Variants in CNTNAP2 observed in about 807,000 individuals in gnomAD.
CNTNAP2 encodes the protein contactin-associated protein-like 2.
CNTNAP2 carries 98 observed loss-of-function variants against 155.2 expected under a neutral mutation model. The observed-to-expected ratio is 0.63, with a 90% confidence interval of 0.54 to 0.75. The LOEUF (loss-of-function observed/expected upper bound fraction) is 0.75, where lower values mean the gene tolerates loss of function less well. Among genes scored for constraint, CNTNAP2 ranks in the 30% least tolerant of loss-of-function variants. CNTNAP2 has a pLI of 0.00. For synonymous variants in CNTNAP2, 651 were observed against 631.2 expected, an observed-to-expected ratio of 1.03 and a Z score of -0.47; for missense variants, 1,727 against 1,688.1, an observed-to-expected ratio of 1.02 and a Z score of -0.40.
At chr7:146,316,800 G>A (rs1800914062) in intron 1 of CNTNAP2, among the ~76,000 whole-genome samples, 1 of 150,254 alleles carries the variant, frequency 6.7e-6, no homozygotes, top group Admixed American at 6.6e-5. Flanking sequence ...CAATCACTGT[G>A]TGGCTTCTCC....
intron 3 of CNTNAP2, among the ~76,000 whole-genome samples, chr7:146,920,181 A>G (rs1048929982): frequency 3.3e-5 from 5 of 152,146 alleles, no homozygotes; most frequent in Admixed American, 3.3e-4. Context: ...TGGGAGGCCG[A>G]GGAGAGCAGA....
At chr7:146,332,494 T>G (rs1182305352) in intron 1 of CNTNAP2, among the ~76,000 whole-genome samples, 1 of 152,156 alleles carries the variant, frequency 6.6e-6, no homozygotes, top group Non-Finnish European at 1.5e-5. Flanking sequence ...AACTGTTATT[T>G]TCATTGAATA....
chr7:147,504,690 A>T (rs201577452), intron 11 of CNTNAP2, among the ~76,000 whole-genome samples: 10,573 of 72,536 alleles, frequency 0.15, 613 homozygotes, highest in East Asian at 0.33. Flanking sequence ...TTCTGTCTTA[A>T]AAAAAAAAAA....
At chr7:148,404,559 A>G (rs6969137) in intron 22 of CNTNAP2, among the ~76,000 whole-genome samples, 84,609 of 151,996 alleles carry the variant, frequency 0.56, 24,234 homozygotes, top group African/African-American at 0.63. Context: ...AGTGGGTGCC[A>G]CCGCTGGGGT....
intron 10 of CNTNAP2, among the ~76,000 whole-genome samples, chr7:147,455,698 GCAAAAA>G (rs67990970): frequency 0.12 from 18,792 of 151,922 alleles, 1,394 homozygotes; most frequent in East Asian, 0.32. Context: ...CCAAAAGAAA[GCAAAAA>G]CAAAAACAAA....
At chr7:147,337,262 G>A (rs1795680105) in intron 9 of CNTNAP2, among the ~76,000 whole-genome samples, 1 of 152,080 alleles carries the variant, frequency 6.6e-6, no homozygotes, top group Admixed American at 6.6e-5. Context: ...AAGGGCAGAT[G>A]AAGTCTCATC....
intron 1 of CNTNAP2, among the ~76,000 whole-genome samples, chr7:146,641,856 TTTG>T (rs1412060155): frequency 2.6e-5 from 4 of 152,222 alleles, no homozygotes; most frequent in Non-Finnish European, 4.4e-5. Flanking sequence ...ATTTTGTGGG[TTTG>T]TTGTTATTAT....
chr7:148,309,955 TA>T (rs771521158), intron 21 of CNTNAP2, among the ~76,000 whole-genome samples: 3 of 152,010 alleles, frequency 2.0e-5, no homozygotes, highest in Admixed American at 2.0e-4. Context: ...CGAGCGGGAT[TA>T]GGGGCGGCAT....
intron 1 of CNTNAP2, among the ~76,000 whole-genome samples, chr7:146,124,542 T>G (rs1043750614): frequency 2.6e-5 from 4 of 152,326 alleles, no homozygotes; most frequent in African/African-American, 4.8e-5. Flanking sequence ...TTTTAAAAAT[T>G]TATTAAGTAC....
Position 148,364,490 on chromosome 7 carries a change from C to G in CNTNAP2, c.3476-19159C>G, listed in dbSNP as rs185052083. 4.1e-3 allele frequency among the ~76,000 whole-genome samples: 629 copies of G among 152,054 alleles called. 2 individuals are homozygous for G. Among genetic ancestry groups the G allele is most frequent in the Non-Finnish European group, 5.3e-3 (360 of 67,986 alleles). The stretch of plus-strand genomic sequence containing the variant: ...TATAGCTCAAGGATTGTAAATACAC[C>G]AATCGGCACTCTGTATCTAGCTCAA... On this transcript the variant is annotated intron_variant, in intron 21 of 23. Transcript: ENST00000361727.
intron 8 of CNTNAP2, among the ~76,000 whole-genome samples, chr7:147,229,871 T>C (rs1215616838): frequency 6.6e-6 from 1 of 152,218 alleles, no homozygotes; most frequent in East Asian, 1.9e-4. Flanking sequence ...ATCTAATCCA[T>C]GGCTCTATTA....
At chr7:148,274,524 G>T (rs958316709) in intron 21 of CNTNAP2, among the ~76,000 whole-genome samples, 31 of 152,370 alleles carry the variant, frequency 2.0e-4, no homozygotes, top group African/African-American at 6.3e-4. Flanking sequence ...TCTCCTTGGT[G>T]ATAAGTGAGC....
chr7:147,990,946 C>T (rs1203520228), intron 15 of CNTNAP2, among the ~76,000 whole-genome samples: 1 of 152,134 alleles, frequency 6.6e-6, no homozygotes, highest in Non-Finnish European at 1.5e-5. Context: ...AAGCCTCAAC[C>T]CTCTATCAGG....
chr7:146,933,438 C>T (rs1222220180), intron 3 of CNTNAP2, among the ~76,000 whole-genome samples: 1 of 151,430 alleles, frequency 6.6e-6, no homozygotes, highest in African/African-American at 2.4e-5. Flanking sequence ...AAAATTAATT[C>T]AGGATGGATT....
chr7:146,272,865 T>A (rs1359805408), intron 1 of CNTNAP2, among the ~76,000 whole-genome samples: 2 of 152,028 alleles, frequency 1.3e-5, no homozygotes, highest in African/African-American at 4.8e-5. Context: ...TCTTTTTATG[T>A]TAGGGAAGAT....
intron 21 of CNTNAP2, among the ~76,000 whole-genome samples, chr7:148,370,134 C>T (rs2116638383): frequency 6.6e-6 from 1 of 152,290 alleles, no homozygotes; most frequent in African/African-American, 2.4e-5. Flanking sequence ...GGCCCGGCCT[C>T]CTCCCACCTC....
chr7:146,158,331 TCTC>T (rs1271922783), intron 1 of CNTNAP2, among the ~76,000 whole-genome samples: 1 of 152,118 alleles, frequency 6.6e-6, no homozygotes, highest in Non-Finnish European at 1.5e-5. Flanking sequence ...GAGCGCCTCT[TCTC>T]CTCCAAAGGA....
intron 14 of CNTNAP2, among the ~76,000 whole-genome samples, chr7:147,919,459 C>CTTTCTTTTCTTTTTTTTTTTT (rs58537091): frequency 2.0e-5 from 1 of 51,240 alleles, no homozygotes; most frequent in Admixed American, 3.0e-4. Context: ...CTTTTTCTTT[C>CTTTCTTTTCTTTTTTTTTTTT]TTTTTTTTTT....
At chr7:147,827,589 T>C (rs1342452247) in intron 13 of CNTNAP2, among the ~76,000 whole-genome samples, 1 of 152,228 alleles carries the variant, frequency 6.6e-6, no homozygotes, top group Non-Finnish European at 1.5e-5. Context: ...AAGAGATTTG[T>C]AAAATGATTG....
Sources: allele counts gnomAD v4.1 joint callset (sites outside exome capture counted in the v4.1 genomes callset), GRCh38; gene constraint gnomAD v4.1.1; transcripts MANE v1.5; gene names NCBI Gene and HGNC (gene_info 2026-07-23, HGNC 2026-07-21).